OPCML: variants seen among roughly 807,000 people sequenced by gnomAD.
The protein encoded by OPCML is opioid-binding protein/cell adhesion molecule.
In OPCML, 13 loss-of-function variants were observed where a neutral mutation model predicts 37.8. The ratio of observed to expected loss-of-function variants is 0.34; its 90% CI spans 0.22 to 0.55. The LOEUF is 0.55. OPCML is among the 20% of genes least tolerant of loss of function. OPCML has a pLI of 0.91. For synonymous variants in OPCML, 176 were observed against 168.8 expected (o/e 1.04, Z -0.33); for missense variants, 341 against 435.6 (o/e 0.78, Z 1.93).
chr11:133,024,839 A>G (rs2136909850), intron 1 of OPCML: 1 of 985,418 alleles, frequency 1.0e-6, no homozygotes, highest in South Asian at 4.7e-5. Flanking sequence ...CTGGTGAGGG[A>G]AAGGACCTGC....
At chr11:132,922,751 C>G (rs1357145540) in intron 2 of OPCML, among the ~76,000 whole-genome samples, 1 of 152,048 alleles carries the variant, frequency 6.6e-6, no homozygotes, top group African/African-American at 2.4e-5. Context: ...ATTTTCCCTC[C>G]CAGGAACGAA....
Position 132,461,825 on chromosome 11 carries a change from C to T in OPCML, c.506-24466G>A, listed in dbSNP as rs553374735. Among the ~76,000 whole-genome samples the T allele has an allele frequency of 5.3e-5, 8 of 152,142 alleles. No homozygotes were observed. The East Asian group carries it at 5.8e-4, about 11-fold the overall frequency. Reference sequence around the variant, plus strand: ...GATGGCAGGAAGGAGAAGTGCCAAGCGAAAGGGGAAAAGCCCCTTATAAAA... The same window carrying T: ...GATGGCAGGAAGGAGAAGTGCCAAGTGAAAGGGGAAAAGCCCCTTATAAAA... On this transcript the variant is annotated intron_variant, in intron 4 of 7. Transcript: ENST00000524381.
At position 132,852,859 on chromosome 11, in the gene OPCML, A is replaced by G. The variant is rs1375024031; in HGVS notation, c.146+90067T>C. ...CCTGCCGCCTGTGTTTTTCTATGGC[A>G]AATTTGAACTGAGATCTTTTATTGA... On this transcript the variant is annotated intron_variant, in intron 2 of 7. Coordinates refer to ENST00000524381, the MANE Select transcript of OPCML (RefSeq NM_001012393.5). Among the ~76,000 whole-genome samples the G allele has an allele frequency of 2.6e-5, 4 of 152,126 alleles. No individual in the cohort carries two copies. The East Asian group carries it at 7.7e-4, about 29-fold the overall frequency.
At chr11:133,355,712 G>A (rs947558310) in intron 1 of OPCML, among the ~76,000 whole-genome samples, 1 of 152,166 alleles carries the variant, frequency 6.6e-6, no homozygotes, top group Non-Finnish European at 1.5e-5. Context: ...TAATTCCAGT[G>A]GTTCAATCTG....
intron 4 of OPCML, among the ~76,000 whole-genome samples, chr11:132,512,880 A>C (rs2096271902): frequency 6.6e-6 from 1 of 152,080 alleles, no homozygotes; most frequent in South Asian, 2.1e-4. Flanking sequence ...CTTTTGAGGT[A>C]ATGGTAATAT....
intron 2 of OPCML, among the ~76,000 whole-genome samples, chr11:132,770,546 T>C (rs1363043782): frequency 6.6e-6 from 1 of 152,180 alleles, no homozygotes; most frequent in Non-Finnish European, 1.5e-5. Flanking sequence ...AAGCCTTTCA[T>C]GGGAGAACTA....
intron 4 of OPCML, among the ~76,000 whole-genome samples, chr11:132,524,511 A>G (rs1022773590): frequency 6.6e-6 from 1 of 152,210 alleles, no homozygotes; most frequent in Admixed American, 6.5e-5. Context: ...TTAAGTATAG[A>G]TTTTTGTATC....
chr11:132,856,322 C>T (rs1288699815), intron 2 of OPCML, among the ~76,000 whole-genome samples: 4 of 151,984 alleles, frequency 2.6e-5, no homozygotes, highest in East Asian at 1.9e-4. Context: ...TAGGATATGG[C>T]GTAAATGTAA....
At chr11:133,241,368 C>T (rs183953445) in intron 1 of OPCML, among the ~76,000 whole-genome samples, 3 of 152,200 alleles carry the variant, frequency 2.0e-5, no homozygotes, top group Admixed American at 6.5e-5. Context: ...TAAATGAAAC[C>T]AGATTCCTAA....
intron 1 of OPCML, among the ~76,000 whole-genome samples, chr11:133,273,917 C>A (rs1482048521): frequency 6.6e-6 from 1 of 152,224 alleles, no homozygotes; most frequent in Admixed American, 6.5e-5. Flanking sequence ...ATTATTACTA[C>A]TTTGAAATTC....
intron 2 of OPCML, among the ~76,000 whole-genome samples, chr11:132,703,635 T>C (rs945760404): frequency 1.3e-5 from 2 of 152,162 alleles, no homozygotes; most frequent in Admixed American, 6.5e-5. Flanking sequence ...ATCCGGTGCA[T>C]ATGTCAGTGA....
intron 1 of OPCML, among the ~76,000 whole-genome samples, chr11:133,055,172 A>C (rs557933384): frequency 2.9e-4 from 42 of 144,592 alleles, no homozygotes; most frequent in Middle Eastern, 4.6e-3. Context: ...TCTACCATAT[A>C]ATGCTGCCTC....
Position 133,311,063 on chromosome 11 carries a change from C to T in OPCML, c.61+221201G>A, listed in dbSNP as rs533361717. ...AAAAGGTATTACAAAGCTCCAACTCCTTATGTGTGTCATTTAGTAGGATAT... is the reference window on the plus strand; with the variant it reads ...AAAAGGTATTACAAAGCTCCAACTCTTTATGTGTGTCATTTAGTAGGATAT... On this transcript the variant is annotated intron_variant, in intron 1 of 7. Transcript: ENST00000524381. Among the ~76,000 whole-genome samples, 150 of 152,262 alleles carry T rather than the reference C, an allele frequency of 9.9e-4. 8 individuals carry two copies. In the South Asian group the frequency reaches 0.03, roughly 31 times the overall value.
chr11:133,507,608 A>G (rs1396609748), intron 1 of OPCML, among the ~76,000 whole-genome samples: 2 of 152,106 alleles, frequency 1.3e-5, no homozygotes, highest in African/African-American at 4.8e-5. Flanking sequence ...TGGCGACAAC[A>G]ATGTAAAGAC....
intron 1 of OPCML, among the ~76,000 whole-genome samples, chr11:133,371,894 G>A (rs186089340): frequency 6.6e-6 from 1 of 152,234 alleles, no homozygotes; most frequent in Admixed American, 6.5e-5. Context: ...ACTGAAGATC[G>A]GCATATGAAG....
chr11:133,347,815 C>G (rs545374529), intron 1 of OPCML, among the ~76,000 whole-genome samples: 6 of 152,182 alleles, frequency 3.9e-5, no homozygotes, highest in African/African-American at 1.4e-4. Flanking sequence ...GGGGTGAGAT[C>G]AAGGATGAGA....
At chr11:133,001,193 C>T (rs10894636) in intron 1 of OPCML, among the ~76,000 whole-genome samples, 127,143 of 152,176 alleles carry the variant, frequency 0.84, 53,598 homozygotes, top group African/African-American at 0.94. Flanking sequence ...TAAAAAGAAA[C>T]AATAATAATA....
rs143619596 is a variant in OPCML at position 132,954,967 on chromosome 11, G to A, written c.62-11957C>T. 9.0e-3 allele frequency among the ~76,000 whole-genome samples: 1,369 copies of A among 152,314 alleles called. 10 individuals carry two copies. The highest frequency in any genetic ancestry group is 0.013 in the Admixed American group (204 of 15,300). ...CACTACGAGAGACTTCAGGCTAGCA[G>A]AGGATGGACAACCATGCTTTTGATC... On this transcript the variant is annotated intron_variant, in intron 1 of 7. Transcript: ENST00000524381.
intron 4 of OPCML, among the ~76,000 whole-genome samples, chr11:132,469,548 T>G (rs1027856718): frequency 3.0e-5 from 4 of 132,416 alleles, no homozygotes; most frequent in Non-Finnish European, 6.4e-5. Context: ...GTGTGTGGGG[T>G]GTGTGTGTGT....
Sources: allele counts gnomAD v4.1 joint callset (sites outside exome capture counted in the v4.1 genomes callset), GRCh38; gene constraint gnomAD v4.1.1; transcripts MANE v1.5; gene names NCBI Gene and HGNC (gene_info 2026-07-23, HGNC 2026-07-21).